EYS: variants seen among roughly 807,000 people sequenced by gnomAD.
EYS encodes the protein protein eyes shut homolog.
In EYS, 250 loss-of-function variants were observed where a neutral mutation model predicts 282.1. The observed-to-expected ratio is 0.89, with a 90% CI of 0.80 to 0.98. EYS has a LOEUF of 0.98. EYS is among the 50% of genes least tolerant of loss of function. EYS has a pLI of 0.00. For missense variants in EYS, 4,016 were observed against 3,709.0 expected, an observed-to-expected ratio of 1.08 and a Z score of -2.15; for synonymous variants, 1,355 against 1,282.9, an observed-to-expected ratio of 1.06 and a Z score of -1.20.
intron 12 of EYS, among the ~76,000 whole-genome samples, chr6:65,293,213 G>A (rs1177161597): frequency 6.0e-5 from 9 of 150,060 alleles, no homozygotes; most frequent in African/African-American, 9.8e-5. Flanking sequence ...AAAAATTTTA[G>A]ACAATACTAG....
chr6:64,712,104 G>C (rs939025239), intron 22 of EYS, among the ~76,000 whole-genome samples: 3 of 152,168 alleles, frequency 2.0e-5, no homozygotes, highest in African/African-American at 7.2e-5. Context: ...CTTGGAGATG[G>C]GGTTTCACTA....
chr6:64,763,452 C>T (rs1348755849), intron 22 of EYS, among the ~76,000 whole-genome samples: 2 of 152,112 alleles, frequency 1.3e-5, no homozygotes, highest in Non-Finnish European at 2.9e-5. Flanking sequence ...TGAGAACTCA[C>T]TCACTATCAT....
chr6:64,969,926 T>G (rs1770230931), intron 14 of EYS, among the ~76,000 whole-genome samples: 1 of 152,174 alleles, frequency 6.6e-6, no homozygotes, highest in Admixed American at 6.5e-5. Flanking sequence ...CTATGTAAAA[T>G]TGCTTTAGAT....
At chr6:63,868,247 G>A (rs183100424) in intron 35 of EYS, among the ~76,000 whole-genome samples, 12 of 151,854 alleles carry the variant, frequency 7.9e-5, no homozygotes, top group African/African-American at 2.4e-4. Context: ...AACTGCTACG[G>A]GATATTTGAT....
intron 26 of EYS, among the ~76,000 whole-genome samples, chr6:64,513,625 C>T (rs560511436): frequency 4.6e-5 from 7 of 151,808 alleles, no homozygotes; most frequent in South Asian, 4.1e-4. Flanking sequence ...CAAGAAAGAA[C>T]GACTTTAAAT....
chr6:64,338,010 C>T (rs1345047549), intron 29 of EYS, among the ~76,000 whole-genome samples: 2 of 151,984 alleles, frequency 1.3e-5, no homozygotes, highest in East Asian at 1.9e-4. Flanking sequence ...ATGACAAACC[C>T]ACAGTCAACA....
At chr6:64,841,799 G>A (rs1364649250) in intron 19 of EYS, among the ~76,000 whole-genome samples, 1 of 151,980 alleles carries the variant, frequency 6.6e-6, no homozygotes, top group African/African-American at 2.4e-5. Context: ...TGTGAATCAG[G>A]GATTTTAGTT....
At chr6:65,223,473 T>A (rs2150261187) in intron 12 of EYS, among the ~76,000 whole-genome samples, 1 of 152,316 alleles carries the variant, frequency 6.6e-6, no homozygotes, top group South Asian at 2.1e-4. Context: ...AGTCTCTAAC[T>A]TAGTGCTATT....
At chr6:65,667,432 A>C (rs1768238446) in intron 1 of EYS, among the ~76,000 whole-genome samples, 1 of 151,884 alleles carries the variant, frequency 6.6e-6, no homozygotes, top group African/African-American at 2.4e-5. Flanking sequence ...CATTTCCAGC[A>C]AAGACACTTT....
chr6:65,019,741 A>G (rs138127044), intron 13 of EYS, among the ~76,000 whole-genome samples: 1 of 152,292 alleles, frequency 6.6e-6, no homozygotes, highest in East Asian at 1.9e-4. Flanking sequence ...ACTCTTAGTA[A>G]TTGTATTAGT....
chr6:65,313,614 C>T (rs1442141978), intron 11 of EYS, among the ~76,000 whole-genome samples: 1 of 151,566 alleles, frequency 6.6e-6, no homozygotes, highest in African/African-American at 2.4e-5. Flanking sequence ...TTCAAACTAC[C>T]TAAATAACAG....
chr6:64,703,429 A>ATATATTTTTTTT lies in EYS; in HGVS notation c.3444-77185_3444-77184insAAAAAAAATATA, dbSNP rs869208549. Reference sequence around the variant, plus strand: ...CACACACATATATATATATATATATATTTTTTTTTTTTTTTTTTGAGATGG... The same window carrying ATATATTTTTTTT: ...CACACACATATATATATATATATATATATATTTTTTTTTTTTTTTTTTTTTTTTTTGAGATGG... On this transcript the variant is annotated intron_variant, in intron 22 of 42. Coordinates refer to ENST00000503581, the MANE Select transcript of EYS (RefSeq NM_001142800.2). Among the ~76,000 whole-genome samples, 95 of 23,332 alleles carry ATATATTTTTTTT rather than the reference A, an allele frequency of 4.1e-3. 2 individuals carry two copies. The highest frequency in any genetic ancestry group is 7.7e-3 in the South Asian group (3 of 388). 15.3% of individuals were successfully genotyped at this position (23,332 alleles called of 152,430 possible).
At chr6:65,357,845 T>C (rs1182966920) in intron 8 of EYS, among the ~76,000 whole-genome samples, 2 of 150,370 alleles carry the variant, frequency 1.3e-5, no homozygotes, top group Non-Finnish European at 1.5e-5. Context: ...GTAATGCTCA[T>C]TGCTTGCTAA....
rs536394677 is a variant in EYS at position 65,661,796 on chromosome 6, T to A, written c.-447-21904A>T. 2.6e-5 allele frequency among the ~76,000 whole-genome samples: 4 copies of A among 152,240 alleles called. No individual in the cohort carries two copies. In the South Asian group the frequency reaches 8.3e-4, roughly 32 times the overall value. On this transcript the variant is annotated intron_variant, in intron 1 of 42. Transcript: ENST00000503581. ...AAATCTGTGCCTGCACAAGGAACAA[T>A]ACACAGTCTGGTTTGGTTAGAGAAT...
At chr6:64,063,327 C>T (rs201121461) in intron 33 of EYS, among the ~76,000 whole-genome samples, 6 of 152,158 alleles carry the variant, frequency 3.9e-5, no homozygotes, top group African/African-American at 9.7e-5. Flanking sequence ...CTTAAACTCA[C>T]GATCTTCTCA....
intron 22 of EYS, among the ~76,000 whole-genome samples, chr6:64,789,752 T>C (rs996754389): frequency 6.6e-6 from 1 of 152,054 alleles, no homozygotes; most frequent in Non-Finnish European, 1.5e-5. Context: ...CTTTAAAGAA[T>C]CCTTGTGTCT....
At chr6:65,676,253 T>G (rs1248885969) in intron 1 of EYS, among the ~76,000 whole-genome samples, 1 of 151,114 alleles carries the variant, frequency 6.6e-6, no homozygotes, top group Non-Finnish European at 1.5e-5. Flanking sequence ...AAATAGAAAA[T>G]AGAAAAACAA....
chr6:64,477,387 T>C (rs1361719966), intron 26 of EYS, among the ~76,000 whole-genome samples: 1 of 152,092 alleles, frequency 6.6e-6, no homozygotes, highest in African/African-American at 2.4e-5. Context: ...TTGGAAGCCT[T>C]AACTTTATAT....
At chr6:63,845,542 T>A (rs1772076898) in intron 36 of EYS, among the ~76,000 whole-genome samples, 1 of 152,152 alleles carries the variant, frequency 6.6e-6, no homozygotes, top group East Asian at 1.9e-4. Flanking sequence ...AAAGAGGTGT[T>A]GTTCTTTTGC....
Sources: gnomAD v4.1 joint callset for allele counts (sites outside exome capture counted in the v4.1 genomes callset) on GRCh38, gnomAD v4.1.1 for gene constraint, MANE v1.5 for transcripts, NCBI Gene and HGNC (gene_info 2026-07-23, HGNC 2026-07-21) for gene names.